Variants in UBE3B observed in about 807,000 individuals in gnomAD.
The protein encoded by UBE3B is ubiquitin-protein ligase E3B.
A neutral mutation model predicts 132.3 loss-of-function variants in UBE3B; 80 were observed. The ratio of observed to expected loss-of-function variants is 0.60; its 90% CI spans 0.50 to 0.73. UBE3B has a LOEUF of 0.73. Ranked by LOEUF, UBE3B falls within the 30% of genes least tolerant of loss-of-function variation. UBE3B has a pLI of 0.00. For missense variants in UBE3B, 1,196 were observed against 1,362.5 expected (o/e 0.88, Z 1.92); for synonymous variants, 487 against 520.4 (o/e 0.94, Z 0.87).
At chr12:109,493,984 ATTT>A (rs1201147583) in intron 9 of UBE3B, among the ~76,000 whole-genome samples, 1 of 151,966 alleles carries the variant, frequency 6.6e-6, no homozygotes, top group Non-Finnish European at 1.5e-5. Flanking sequence ...TGCCCAGCTA[ATTT>A]TTTTATTTTT....
At position 109,521,523 on chromosome 12, in the gene UBE3B, G is replaced by A; in HGVS notation, c.2336G>A (p.Gly779Glu). 6.2e-7 allele frequency: 1 copy of A among 1,600,048 alleles called. No individual in the cohort carries two copies. Among genetic ancestry groups the A allele is most frequent in the South Asian group, 1.1e-5 (1 of 89,678 alleles). ...ENYLQLFEFV[G>E]KMLGKAVYEG... is the part of the protein sequence containing the mutation. ...TACCTGCAGCTCTTCGAGTTTGTGG[G>A]GAAGATGCTGGGGAAGGCTGTGTAT... Residue 779 changes from glycine (G) to glutamate (E), a missense_variant, in exon 21 of 28, where the codon GGG becomes GAG. Physicochemically the swap from Gly to Glu is moderately conservative, Grantham distance 98. Transcript: ENST00000342494. This position sits in a 1 kb window ranked among gnomAD's most constrained non-coding sequence, Gnocchi z 4.2.
At chr12:109,544,155 A>G in the UBE3B span, among the ~76,000 whole-genome samples, 25 of 152,276 alleles carry the variant, frequency 1.6e-4, no homozygotes, top group African/African-American at 5.5e-4. Flanking sequence ...TGGTCCCTGC[A>G]GCCCTTCCCA....
downstream of UBE3B, among the ~76,000 whole-genome samples, chr12:109,538,545 G>A (rs943573424): frequency 3.1e-4 from 47 of 152,124 alleles, no homozygotes; most frequent in Non-Finnish European, 4.6e-4. This position sits in a 1 kb window ranked among gnomAD's most constrained non-coding sequence, Gnocchi z 4.1. Flanking sequence ...TACATATGAC[G>A]CACCCAGCGC....
Position 109,531,456 on chromosome 12 carries a change from AATGAAC to A in UBE3B, c.2922+801_2922+806del, listed in dbSNP as rs1336996926. 2.6e-5 allele frequency among the ~76,000 whole-genome samples: 4 copies of A among 152,196 alleles called. No homozygotes were observed. In the East Asian group the frequency reaches 5.8e-4, roughly 22 times the overall value. Reference sequence around the variant, plus strand: ...CAGCCTTCCTACTTGACAGAATATCAATGAACATTTTGCCATGTTCTGGTGGTAAAT... The same window carrying A: ...CAGCCTTCCTACTTGACAGAATATCAATTTTGCCATGTTCTGGTGGTAAAT... On this transcript the variant is annotated intron_variant, in intron 26 of 27. Coordinates refer to ENST00000342494, the MANE Select transcript of UBE3B (RefSeq NM_130466.4).
intron 15 of UBE3B, chr12:109,508,926 G>A (rs919115862): frequency 3.1e-5 from 6 of 194,732 alleles, no homozygotes; most frequent in South Asian, 1.8e-4. Flanking sequence ...AGTAAACATC[G>A]ACTCTCAGTC....
intron 19 of UBE3B, among the ~76,000 whole-genome samples, chr12:109,517,613 C>CT (rs1232377163): frequency 3.3e-5 from 5 of 152,182 alleles, no homozygotes; most frequent in Non-Finnish European, 7.3e-5. Flanking sequence ...TAGTGCACAG[C>CT]CTACCCATAC....
At chr12:109,532,657 C>T (rs900397527) in intron 26 of UBE3B, among the ~76,000 whole-genome samples, 5 of 152,208 alleles carry the variant, frequency 3.3e-5, no homozygotes, top group African/African-American at 4.8e-5. Flanking sequence ...TCTCCAGGCA[C>T]GAGCTAGCAC....
Position 109,530,667 on chromosome 12 carries a change from T to C in UBE3B, c.2922+9T>C. The C allele has an allele frequency of 6.2e-7, 1 of 1,612,448 alleles. No individual in the cohort carries two copies. Among genetic ancestry groups the C allele is most frequent in the Non-Finnish European group, 8.5e-7 (1 of 1,178,498 alleles). On this transcript the variant is annotated intron_variant, in intron 26 of 27. Coordinates refer to ENST00000342494, the MANE Select transcript of UBE3B (RefSeq NM_130466.4). ...GAGCTATGTTTCTGAAGGTATTTTATTTATTACCTATGCATGCATGCATGT... is the reference window on the plus strand; with the variant it reads ...GAGCTATGTTTCTGAAGGTATTTTACTTATTACCTATGCATGCATGCATGT...
intron 26 of UBE3B, among the ~76,000 whole-genome samples, chr12:109,532,769 G>A (rs1176625320): frequency 6.6e-6 from 1 of 152,226 alleles, no homozygotes; most frequent in African/African-American, 2.4e-5. Flanking sequence ...CACTTGGGCT[G>A]CCGGCACCTC....
rs1264619414 is a variant in UBE3B, at chr12:109,483,641, G to A, written c.90G>A (p.Glu30=). The change falls in exon 3 of 28, where the codon GAG becomes GAA. Residue 30 remains glutamate, a synonymous_variant. Coordinates refer to ENST00000342494, the MANE Select transcript of UBE3B (RefSeq NM_130466.4). ...AAAGGCTTGTGCAGAAGGAACGGGA[G>A]CGGGCAGCTGTTGTGATCCAGGCCC... The part of the protein sequence containing the change: ...REERLVQKER[E]RAAVVIQAHV... The A allele has an allele frequency of 6.2e-6, 10 of 1,613,554 alleles. No homozygotes were observed. The highest frequency in any genetic ancestry group is 5.1e-6 in the Non-Finnish European group (6 of 1,179,854).
At chr12:109,486,349 C>A in intron 5 of UBE3B, 122 bp from the exon 6 acceptor site, 2 of 811,554 alleles carry the variant, frequency 2.5e-6, no homozygotes, top group South Asian at 1.8e-5. Flanking sequence ...CTTATTTGTC[C>A]ATTCAGGTCC....
the UBE3B span, among the ~76,000 whole-genome samples, chr12:109,542,108 C>T: frequency 6.6e-6 from 1 of 152,196 alleles, no homozygotes; most frequent in South Asian, 2.1e-4. Context: ...TGCCATGAAC[C>T]ACCACATGCT....
intron 9 of UBE3B, among the ~76,000 whole-genome samples, chr12:109,495,588 A>G (rs1022407974): frequency 6.6e-6 from 1 of 152,240 alleles, no homozygotes; most frequent in African/African-American, 2.4e-5. Flanking sequence ...GGGGTCTCAC[A>G]GCCTTCAGAG....
chr12:109,496,457 G>A (rs1328052897), intron 9 of UBE3B, among the ~76,000 whole-genome samples: 1 of 152,172 alleles, frequency 6.6e-6, no homozygotes, highest in Non-Finnish European at 1.5e-5. Flanking sequence ...TTGAAGAATT[G>A]CCAAATTATT....
At chr12:109,490,904 G>T in intron 8 of UBE3B, 141 bp from the exon 9 acceptor site, 1 of 1,082,304 alleles carries the variant, frequency 9.2e-7, no homozygotes. Flanking sequence ...TCCTGAGCTG[G>T]GACTGTAGGT....
chr12:109,486,123 A>T lies in UBE3B; in HGVS notation c.342+52A>T, dbSNP rs186359731. 4.4e-4 allele frequency: 678 copies of T among 1,534,300 alleles called. 4 individuals carry two copies. The highest frequency in any genetic ancestry group is 2.1e-5 in the Non-Finnish European group (24 of 1,139,606). ...CCCACAAGCTCTTAAGGGCCAACCT[A>T]CTGGGCTCTGAAAGTTCCTGTTGAA... is the stretch of plus-strand genomic sequence containing the variant. On this transcript the variant is annotated intron_variant, in intron 5 of 27. Transcript: ENST00000342494.
intron 18 of UBE3B, among the ~76,000 whole-genome samples, chr12:109,516,459 G>A (rs1881070489): frequency 6.6e-6 from 1 of 152,088 alleles, no homozygotes; most frequent in Non-Finnish European, 1.5e-5. Context: ...TTACAGGCGT[G>A]AGCCCCCACG....
chr12:109,509,919 G>C (rs1880144380), intron 16 of UBE3B, among the ~76,000 whole-genome samples: 1 of 152,158 alleles, frequency 6.6e-6, no homozygotes, highest in African/African-American at 2.4e-5. Flanking sequence ...TGCTCTCCCA[G>C]GCTCCCTTCA....
intron 1 of UBE3B, among the ~76,000 whole-genome samples, chr12:109,479,850 G>A (rs1176657079): frequency 6.6e-6 from 1 of 152,216 alleles, no homozygotes; most frequent in East Asian, 1.9e-4. Context: ...CTTAGGTACA[G>A]TTTGCATGCA....
Sources: allele counts gnomAD v4.1 joint callset (sites outside exome capture counted in the v4.1 genomes callset), GRCh38; gene constraint gnomAD v4.1.1; non-coding constraint Gnocchi (gnomAD v3.1); transcripts MANE v1.5; gene names NCBI Gene and HGNC (gene_info 2026-07-23, HGNC 2026-07-21).